Variants in TRIM21 observed in about 807,000 individuals in gnomAD.
The protein encoded by TRIM21 is tripartite motif containing 21.
Under a neutral mutation model 36.1 loss-of-function variants are expected in TRIM21, and 35 were observed. The observed-to-expected ratio is 0.97, with a 90% CI of 0.74 to 1.28. The LOEUF is 1.28. Ranked by LOEUF, TRIM21 falls within the 50% of genes most tolerant of loss-of-function variation. The probability of loss-of-function intolerance (pLI) is 0.00; values close to 1 mark genes in which losing one functional copy is unlikely to be tolerated. For synonymous variants in TRIM21, 256 were observed against 211.5 expected (o/e 1.21, Z -1.83); for missense variants, 635 against 570.7 (o/e 1.11, Z -1.15).
At chr11:4,386,328 G>A (rs759398283) in intron 5 of TRIM21, 71 bp from the exon 6 acceptor site, 17 of 1,216,742 alleles carry the variant, frequency 1.4e-5, no homozygotes, top group East Asian at 4.8e-5. Flanking sequence ...AACCTCCATT[G>A]TGGAGGACTC....
chr11:4,390,254 A>C lies in TRIM21; in HGVS notation c.156T>G (p.Pro52=), dbSNP rs756760660. Residue 52 remains proline, a synonymous_variant, in exon 2 of 7, where the codon CCT becomes CCG. Coordinates refer to ENST00000254436, the MANE Select transcript of TRIM21 (RefSeq NM_003141.4). ...QVGKGGGSVC[P]VCRQRFLLKN... is the part of the protein sequence containing the mutation. ...TGAGCAGAAAGCGCTGCCGGCACAC[A>C]GGACAGACGCTGCCCCCACCTTTCC... 1 of 1,614,004 alleles carries C rather than the reference A, an allele frequency of 6.2e-7. No individual in the cohort carries two copies. The highest frequency in any genetic ancestry group is 8.5e-7 in the Non-Finnish European group (1 of 1,179,894).
intron 5 of TRIM21, 62 bp downstream of exon 5, chr11:4,386,906 T>G: frequency 1.3e-6 from 2 of 1,526,698 alleles, no homozygotes; most frequent in Non-Finnish European, 1.8e-6. Context: ...TTCAATCACC[T>G]TTGTCATAGG....
Position 4,386,353 on chromosome 11 carries a change from A to T in TRIM21, c.759-96T>A, listed in dbSNP as rs763776779. ...GTGGAGGACTCCGATAATTTAATTC[A>T]ACTCAAATTTACAAAGACCTCTGGT... is the stretch of plus-strand genomic sequence containing the variant. On this transcript the variant is annotated intron_variant, in intron 5 of 6. Coordinates refer to ENST00000254436, the MANE Select transcript of TRIM21 (RefSeq NM_003141.4). 5.7e-6 allele frequency: 6 copies of T among 1,051,418 alleles called. 1 individual carries two copies. Among genetic ancestry groups the T allele is most frequent in the South Asian group, 1.3e-5 (1 of 74,304 alleles). 65.1% of individuals were successfully genotyped at this position (1,051,418 alleles called of 1,614,324 possible). A position where few individuals can be genotyped will look rare whatever the true frequency, so the allele number is the denominator to read the frequency against.
Position 4,386,191 on chromosome 11 carries a change from C to T in TRIM21, c.825G>A (p.Val275=), listed in dbSNP as rs778729546. Residue 275 remains valine (V), a synonymous_variant, in exon 6 of 7, where the codon GTG becomes GTA. Transcript: ENST00000254436. ...TSPELRSVCH[V]PGLKKMLRTC... is the part of the protein sequence containing the mutation. ...TCCTCAGCATCTTCTTCAGCCCTGGCACATGGCACACACTCCTGAGTTCTG... is the reference window on the plus strand; with the variant it reads ...TCCTCAGCATCTTCTTCAGCCCTGGTACATGGCACACACTCCTGAGTTCTG... 1 of 1,613,712 alleles carries T rather than the reference C, an allele frequency of 6.2e-7. No homozygotes were observed. The highest frequency in any genetic ancestry group is 8.5e-7 in the Non-Finnish European group (1 of 1,179,874).
chr11:4,385,002 G>GAAA lies in TRIM21; in HGVS notation c.*280_*282dup. ...GACGACATCCTAGAGATGGAGAGGA[G>GAAA]AAAAAAAAAACTTAAGTCCCATAAA... On this transcript the variant is annotated 3_prime_UTR_variant, in exon 7 of 7. Transcript: ENST00000254436. 1 of 353,446 alleles carries GAAA rather than the reference G, an allele frequency of 2.8e-6. No individual in the cohort carries two copies. Among genetic ancestry groups the GAAA allele is most frequent in the Non-Finnish European group, 5.1e-6 (1 of 197,014 alleles). The allele number at this position is 353,446 out of a possible 1,614,324, so 21.9% of individuals were successfully genotyped here. A position where few individuals can be genotyped will look rare whatever the true frequency, so the allele number is the denominator to read the frequency against.
chr11:4,389,732 T>A lies in TRIM21; in HGVS notation c.426A>T (p.Ala142=). The change falls in exon 3 of 7, where the codon GCA becomes GCT. Residue 142 remains alanine (A), a synonymous_variant. Transcript: ENST00000254436. Reference sequence around the variant, plus strand: ...CCTGCTTTCTTCTCAGTTCCCCTAATGCCACCTGGAGCTTCTCCTGCAGAG... The same window carrying A: ...CCTGCTTTCTTCTCAGTTCCCCTAAAGCCACCTGGAGCTTCTCCTGCAGAG... The part of the protein sequence containing the change: ...AQEYQEKLQV[A]LGELRRKQEL... 6.2e-7 allele frequency: 1 copy of A among 1,613,984 alleles called. No homozygotes were observed. Among genetic ancestry groups the A allele is most frequent in the East Asian group, 2.2e-5 (1 of 44,882 alleles).
chr11:4,388,566 T>C (rs555537511), intron 3 of TRIM21, 36 bp from the exon 4 acceptor site: 11 of 1,591,324 alleles, frequency 6.9e-6, no homozygotes, highest in Non-Finnish European at 9.4e-6. Flanking sequence ...GTGGTTTTTA[T>C]GAAAATCTCC....
chr11:4,391,642 C>T lies in TRIM21; in HGVS notation c.-49-1184G>A, dbSNP rs2094963162. On this transcript the variant is annotated intron_variant, in intron 1 of 6. Transcript: ENST00000254436. ...CCACACTTCCATGTTTACTGCAGCA[C>T]GTTTCACAATAGCCAAGATTTGGAA... Among the ~76,000 whole-genome samples, 2 of 152,144 alleles carry T rather than the reference C, an allele frequency of 1.3e-5. 1 individual carries two copies. The highest frequency in any genetic ancestry group is 4.1e-4 in the South Asian group (2 of 4,832).
rs751472608 is a variant in TRIM21 at position 4,389,695 on chromosome 11, T to C, written c.463A>G (p.Lys155Glu). 6.2e-7 allele frequency: 1 copy of C among 1,613,898 alleles called. No homozygotes were observed. Among genetic ancestry groups the C allele is most frequent in the South Asian group, 1.1e-5 (1 of 91,076 alleles). ...ELRRKQELAE[K>E]LEVEIAIKRA... Reference sequence around the variant, plus strand: ...TTTATTGCAATTTCCACTTCCAACTTCTCAGCCAACTCCTGCTTTCTTCTC... The same window carrying C: ...TTTATTGCAATTTCCACTTCCAACTCCTCAGCCAACTCCTGCTTTCTTCTC... Residue 155 changes from lysine to glutamate, a missense_variant, in exon 3 of 7, where the codon AAG (lysine) becomes GAG (glutamate). Physicochemically the swap from Lys to Glu is moderately conservative, Grantham distance 56. Coordinates refer to ENST00000254436, the MANE Select transcript of TRIM21 (RefSeq NM_003141.4).
rs1244484500 is a variant in TRIM21, at chr11:4,389,936, G to C, written c.408+66C>G. The C allele has an allele frequency of 1.9e-6, 3 of 1,578,814 alleles. No homozygotes were observed. In the African/African-American group the frequency reaches 4.0e-5, roughly 21 times the overall value. On this transcript the variant is annotated intron_variant, in intron 2 of 6. Coordinates refer to ENST00000254436, the MANE Select transcript of TRIM21 (RefSeq NM_003141.4). ...TCCTTTCTCTAACCCCTCCAATCCA[G>C]AGGTGGTCCTCTCCCATTCCCTGCT...
At chr11:4,386,105 T>C in intron 6 of TRIM21, 52 bp downstream of exon 6, 2 of 1,566,876 alleles carry the variant, frequency 1.3e-6, no homozygotes, top group Non-Finnish European at 1.8e-6. Context: ...TCCCTGACCC[T>C]GGGATCTACT....
rs745306518 is a variant in TRIM21, at chr11:4,386,366, A to G, written c.759-109T>C. The G allele has an allele frequency of 7.6e-5, 71 of 935,418 alleles. 1 individual carries two copies. The African/African-American group carries it at 1.1e-3, about 14-fold the overall frequency. 57.9% of individuals were successfully genotyped at this position (935,418 alleles called of 1,614,324 possible). A position where few individuals can be genotyped will look rare whatever the true frequency, so the allele number is the denominator to read the frequency against. On this transcript the variant is annotated intron_variant, in intron 5 of 6. Transcript: ENST00000254436. ...ATAATTTAATTCAACTCAAATTTAC[A>G]AAGACCTCTGGTGTTCAAGTCTCCA...
Position 4,385,664 on chromosome 11 carries a change from C to G in TRIM21, c.1049G>C (p.Gly350Ala). The G allele has an allele frequency of 6.2e-7, 1 of 1,613,264 alleles. No homozygotes were observed. The highest frequency in any genetic ancestry group is 1.1e-5 in the South Asian group (1 of 90,812). The change falls in exon 7 of 7, where the codon GGA becomes GCA. Residue 350 changes from glycine (G) to alanine (A), a missense_variant. Coordinates refer to ENST00000254436, the MANE Select transcript of TRIM21 (RefSeq NM_003141.4). ...GKHYWEVDVT[G>A]KEAWDLGVCR... ...GACACCCAGGTCCCAGGCCTCCTTT[C>G]CTGTCACATCTACCTCCCAGTAATG...
chr11:4,389,960 C>T (rs1056922754), intron 2 of TRIM21, 42 bp downstream of exon 2: 21 of 1,599,802 alleles, frequency 1.3e-5, no homozygotes, highest in Non-Finnish European at 1.8e-5. Flanking sequence ...CCATTCCCTG[C>T]TCTGAAAACG....
rs2094958803 is a variant in TRIM21, at chr11:4,388,328, C to T, written c.707G>A (p.Cys236Tyr). 1 of 1,613,738 alleles carries T rather than the reference C, an allele frequency of 6.2e-7. No homozygotes were observed. Among genetic ancestry groups the T allele is most frequent in the African/African-American group, 1.3e-5 (1 of 74,936 alleles). The change falls in exon 4 of 7, where the codon TGC (cysteine) becomes TAC (tyrosine). Residue 236 changes from cysteine (C) to tyrosine (Y), a missense_variant. By Grantham distance (194) the Cys-to-Tyr change is radical. Transcript: ENST00000254436. ...QELISELDRRCHSSALELLQE... is the reference protein window; with the variant it reads ...QELISELDRRYHSSALELLQE... ...CAGCAGTTCCAGTGCTGAGCTGTGG[C>T]ACCTTCGATCTAGCTCTGAGATGAG...
chr11:4,387,102 T>G, intron 4 of TRIM21, 112 bp from the exon 5 acceptor site: 1 of 1,079,532 alleles, frequency 9.3e-7, no homozygotes, highest in Non-Finnish European at 1.4e-6. Flanking sequence ...GTTCCTCTCC[T>G]TCCTCTGGTC....
chr11:4,390,963 A>G (rs919088445), intron 1 of TRIM21, among the ~76,000 whole-genome samples: 1 of 152,164 alleles, frequency 6.6e-6, no homozygotes, highest in African/African-American at 2.4e-5. Flanking sequence ...GCCTCAAACT[A>G]TGAAACTATT....
Position 4,390,429 on chromosome 11 carries a change from C to A in TRIM21, c.-20G>T. ...AGCCATTGTCAAGTGTGCCGTTAAA[C>A]AGCAGTGTGGAGACCTTTAGGGGGT... On this transcript the variant is annotated 5_prime_UTR_variant, in exon 2 of 7. Transcript: ENST00000254436. 6.3e-7 allele frequency: 1 copy of A among 1,592,546 alleles called. No homozygotes were observed. Among genetic ancestry groups the A allele is most frequent in the Non-Finnish European group, 8.6e-7 (1 of 1,165,392 alleles).
Position 4,388,331 on chromosome 11 carries a change from C to T in TRIM21, c.704G>A (p.Arg235Lys). 1.2e-6 allele frequency: 2 copies of T among 1,613,916 alleles called. No homozygotes were observed. Among genetic ancestry groups the T allele is most frequent in the Non-Finnish European group, 1.7e-6 (2 of 1,179,838 alleles). ...LQELISELDRRCHSSALELLQ... is the reference protein window; with the variant it reads ...LQELISELDRKCHSSALELLQ... Reference sequence around the variant, plus strand: ...CAGTTCCAGTGCTGAGCTGTGGCACCTTCGATCTAGCTCTGAGATGAGCTC... The same window carrying T: ...CAGTTCCAGTGCTGAGCTGTGGCACTTTCGATCTAGCTCTGAGATGAGCTC... Residue 235 changes from arginine (R) to lysine (K), a missense_variant, in exon 4 of 7, where the codon AGG becomes AAG. Arg to Lys is a conservative substitution (Grantham distance 26, BLOSUM62 2). Coordinates refer to ENST00000254436, the MANE Select transcript of TRIM21 (RefSeq NM_003141.4).
Sources: allele counts gnomAD v4.1 joint callset (sites outside exome capture counted in the v4.1 genomes callset), GRCh38; gene constraint gnomAD v4.1.1; transcripts MANE v1.5; gene names NCBI Gene and HGNC (gene_info 2026-07-23, HGNC 2026-07-21).